The following AUTS2 variants were observed in gnomAD, a reference collection of about 807,000 sequenced individuals.
The protein encoded by AUTS2 is activator of transcription and developmental regulator AUTS2.
AUTS2 carries 17 observed loss-of-function variants against 112.4 expected under a neutral mutation model. The ratio of observed to expected loss-of-function variants is 0.15; its 90% CI spans 0.10 to 0.23. AUTS2 has a LOEUF of 0.23. Among genes scored for constraint, AUTS2 ranks in the 10% least tolerant of loss-of-function variants. The pLI is 1.00. For missense variants in AUTS2, 1,510 were observed against 1,701.6 expected (o/e 0.89, Z 1.98); for synonymous variants, 751 against 702.7 (o/e 1.07, Z -1.09).
rs770068469 is a variant in AUTS2 at position 69,647,082 on chromosome 7, T to A, written c.309+47120T>A. Among the ~76,000 whole-genome samples the A allele has an allele frequency of 1.6e-4, 24 of 152,282 alleles. 1 individual carries two copies. Among genetic ancestry groups the A allele is most frequent in the Middle Eastern group, 3.4e-3 (1 of 294 alleles). ...CAGCCTGGGCGATAGAGCGAGACTC[T>A]GTCTCAAACAAAACAAAACAAAAAA... On this transcript the variant is annotated intron_variant, in intron 1 of 18. Transcript: ENST00000342771.
Position 70,155,226 on chromosome 7 carries a change from G to A in AUTS2, c.660+20655G>A, listed in dbSNP as rs188937873. 9.2e-5 allele frequency among the ~76,000 whole-genome samples: 14 copies of A among 152,308 alleles called. No individual in the cohort carries two copies. The East Asian group carries it at 2.7e-3, about 29-fold the overall frequency. On this transcript the variant is annotated intron_variant, in intron 4 of 18. Transcript: ENST00000342771. ...AACAGTGAGGAAAACCGTGGGCTGA[G>A]CTCTGGGGAGGGTTCGATCTGGGAA...
rs565825776 is a variant in AUTS2 at position 70,588,260 on chromosome 7, G to T, written c.691-110309G>T. On this transcript the variant is annotated intron_variant, in intron 5 of 18. Coordinates refer to ENST00000342771, the MANE Select transcript of AUTS2 (RefSeq NM_015570.4). ...GTGCCAGCAGAGGTGTTCTCAGCAG[G>T]ACCTGGCCCATTAAATGAAAGACTT... Among the ~76,000 whole-genome samples the T allele has an allele frequency of 9.2e-5, 14 of 152,304 alleles. No homozygotes were observed. In the South Asian group the frequency reaches 2.7e-3, roughly 29 times the overall value.
chr7:70,358,214 C>T (rs1792099489), intron 4 of AUTS2, among the ~76,000 whole-genome samples: 1 of 152,196 alleles, frequency 6.6e-6, no homozygotes, highest in South Asian at 2.1e-4. Flanking sequence ...TAACTTTTCT[C>T]TTGTTGATCT....
Position 69,996,661 on chromosome 7 carries a change from A to G in AUTS2, c.522+97163A>G, listed in dbSNP as rs573975386. ...TTCCCTTTCCTTCCGTTCCAAAGTT[A>G]TACTACACTTATTCAGGATAGAAAT... On this transcript the variant is annotated intron_variant, in intron 2 of 18. Transcript: ENST00000342771. 9.9e-5 allele frequency among the ~76,000 whole-genome samples: 15 copies of G among 152,224 alleles called. No individual in the cohort carries two copies. In the South Asian group the frequency reaches 2.9e-3, roughly 29 times the overall value.
chr7:70,790,645 C>G lies in AUTS2; in HGVS notation c.3429C>G (p.His1143Gln). The change falls in exon 19 of 19, where the codon CAC becomes CAG. Residue 1143 changes from histidine (H) to glutamine (Q), a missense_variant. This residue lies in a region of AUTS2 where 788 missense variants were observed against 797.6 expected (regional missense o/e 0.99). Coordinates refer to ENST00000342771, the MANE Select transcript of AUTS2 (RefSeq NM_015570.4). This position sits in a 1 kb window ranked among gnomAD's most constrained non-coding sequence, Gnocchi z 7.6. ...TGTCTGTGGACCCTCGGCGGGAGCA[C>G]GAGCGGGGAGGCCACCTGGACGAGC... ...HPLSVDPRREHERGGHLDERE... is the reference protein window; with the variant it reads ...HPLSVDPRREQERGGHLDERE... 6.2e-7 allele frequency: 1 copy of G among 1,612,706 alleles called. No individual in the cohort carries two copies. Among genetic ancestry groups the G allele is most frequent in the Non-Finnish European group, 8.5e-7 (1 of 1,179,630 alleles).
intron 1 of AUTS2, among the ~76,000 whole-genome samples, chr7:69,716,094 G>A (rs1194860292): frequency 6.6e-6 from 1 of 151,708 alleles, no homozygotes; most frequent in East Asian, 1.9e-4. Flanking sequence ...GAGTTTCAGG[G>A]TTTTTTTTGG....
intron 6 of AUTS2, among the ~76,000 whole-genome samples, chr7:70,756,518 TTTAAAAGTATATA>T (rs1789219390): frequency 6.6e-6 from 1 of 152,178 alleles, no homozygotes; most frequent in African/African-American, 2.4e-5. Flanking sequence ...ACATACATAA[TTTAAAAGTATATA>T]TAAAGCCCTA....
At chr7:70,274,556 G>T (rs1787839564) in intron 4 of AUTS2, among the ~76,000 whole-genome samples, 1 of 152,128 alleles carries the variant, frequency 6.6e-6, no homozygotes, top group African/African-American at 2.4e-5. Context: ...CTCCCAAAGG[G>T]CTGGGGTTAC....
At chr7:69,605,791 T>C (rs954681841) in intron 1 of AUTS2, among the ~76,000 whole-genome samples, 1 of 152,192 alleles carries the variant, frequency 6.6e-6, no homozygotes, top group African/African-American at 2.4e-5. Flanking sequence ...AATGGGTCAG[T>C]TCCAGCATTT....
chr7:70,653,898 T>C (rs1806636600), intron 5 of AUTS2, among the ~76,000 whole-genome samples: 1 of 152,362 alleles, frequency 6.6e-6, no homozygotes, highest in African/African-American at 2.4e-5. Flanking sequence ...TTGCAAACTA[T>C]GTACTGTTTG....
chr7:70,518,507 C>A (rs1369052589), intron 5 of AUTS2, among the ~76,000 whole-genome samples: 1 of 151,940 alleles, frequency 6.6e-6, no homozygotes, highest in Non-Finnish European at 1.5e-5. Flanking sequence ...ACGGTGAAAC[C>A]CCGTCTCTAC....
intron 4 of AUTS2, among the ~76,000 whole-genome samples, chr7:70,413,927 G>A (rs1002340661): frequency 2.0e-5 from 3 of 152,112 alleles, no homozygotes; most frequent in Non-Finnish European, 4.4e-5. Context: ...TGCCCGCCTC[G>A]GCCTCCCAAA....
At chr7:69,959,332 C>T (rs1797340553) in intron 2 of AUTS2, among the ~76,000 whole-genome samples, 1 of 152,162 alleles carries the variant, frequency 6.6e-6, no homozygotes, top group Non-Finnish European at 1.5e-5. Flanking sequence ...AGAATACTCT[C>T]ATTCAGTTCT....
chr7:70,547,767 A>G (rs1228361116), intron 5 of AUTS2, among the ~76,000 whole-genome samples: 1 of 152,222 alleles, frequency 6.6e-6, no homozygotes, highest in Non-Finnish European at 1.5e-5. Flanking sequence ...TACTGTGAAC[A>G]CTCACATACA....
At chr7:69,949,135 C>T (rs1379039618) in intron 2 of AUTS2, among the ~76,000 whole-genome samples, 1 of 152,066 alleles carries the variant, frequency 6.6e-6, no homozygotes, top group East Asian at 1.9e-4. Flanking sequence ...AGTCACCTAG[C>T]CTTATTGTAA....
At chr7:69,727,460 G>A (rs958802643) in intron 1 of AUTS2, among the ~76,000 whole-genome samples, 1 of 151,966 alleles carries the variant, frequency 6.6e-6, no homozygotes, top group Non-Finnish European at 1.5e-5. Flanking sequence ...TATGGTGGTG[G>A]GCACCTGTAA....
intron 2 of AUTS2, among the ~76,000 whole-genome samples, chr7:69,932,094 C>T (rs1261083733): frequency 6.6e-6 from 1 of 152,178 alleles, no homozygotes; most frequent in Non-Finnish European, 1.5e-5. Flanking sequence ...TGTGTGCACA[C>T]ACATGCACAG....
chr7:70,509,340 T>C (rs1214336341), intron 5 of AUTS2, among the ~76,000 whole-genome samples: 2 of 152,162 alleles, frequency 1.3e-5, no homozygotes, highest in Non-Finnish European at 2.9e-5. Flanking sequence ...GGGAGAGGCA[T>C]TGGGACTATG....
At chr7:70,475,413 C>T (rs1209743678) in intron 5 of AUTS2, among the ~76,000 whole-genome samples, 2 of 152,192 alleles carry the variant, frequency 1.3e-5, no homozygotes, top group African/African-American at 4.8e-5. Flanking sequence ...TTTCCCCCCT[C>T]ATACTGTTGA....
Sources: allele counts gnomAD v4.1 joint callset (sites outside exome capture counted in the v4.1 genomes callset), GRCh38; gene constraint gnomAD v4.1.1; regional missense constraint gnomAD v4.1.1; non-coding constraint Gnocchi (gnomAD v3.1); transcripts MANE v1.5; gene names NCBI Gene and HGNC (gene_info 2026-07-23, HGNC 2026-07-21).